Variants in ADAMTS18 observed in about 807,000 individuals in gnomAD.
ADAMTS18 encodes the protein ADAM metallopeptidase with thrombospondin type 1 motif 18.
In ADAMTS18, 157 loss-of-function variants were observed where a neutral mutation model predicts 165.9. The ratio of observed to expected loss-of-function variants is 0.95; its 90% CI spans 0.83 to 1.08. ADAMTS18 has a LOEUF of 1.08. ADAMTS18 is among the 50% of genes least tolerant of loss of function. The pLI is 0.00. For synonymous variants in ADAMTS18, 782 were observed against 578.2 expected (o/e 1.35, Z -5.06); for missense variants, 2,040 against 1,534.0 (o/e 1.33, Z -5.51).
At chr16:77,372,094 A>G (rs1452806441) in intron 3 of ADAMTS18, among the ~76,000 whole-genome samples, 1 of 152,216 alleles carries the variant, frequency 6.6e-6, no homozygotes, top group Non-Finnish European at 1.5e-5. Flanking sequence ...CCCCAATTAG[A>G]ATGACTATTA....
intron 20 of ADAMTS18, among the ~76,000 whole-genome samples, chr16:77,292,531 A>G (rs1264622787): frequency 6.6e-6 from 1 of 152,182 alleles, no homozygotes; most frequent in Non-Finnish European, 1.5e-5. Context: ...TCTTCTGACA[A>G]GGGTTCTTCC....
chr16:77,369,788 A>G (rs1345223221), intron 3 of ADAMTS18, among the ~76,000 whole-genome samples: 2 of 152,220 alleles, frequency 1.3e-5, no homozygotes, highest in Admixed American at 1.3e-4. Context: ...AAGAACAAAA[A>G]GAAATCTACG....
chr16:77,423,537 C>A (rs1485283239), intron 3 of ADAMTS18, among the ~76,000 whole-genome samples: 1 of 152,058 alleles, frequency 6.6e-6, no homozygotes, highest in East Asian at 1.9e-4. Context: ...GAGAGAAGTA[C>A]TATCATTATC....
rs35896240 is a variant in ADAMTS18 at position 77,419,162 on chromosome 16, A to AT, written c.495+12132dup. ...AGACTCCATCTCAGGGGGAAAAAAA[A>AT]TCAATTATTAACTCCCAGTTGTGTA... On this transcript the variant is annotated intron_variant, in intron 3 of 22. Coordinates refer to ENST00000282849, the MANE Select transcript of ADAMTS18 (RefSeq NM_199355.4). Among the ~76,000 whole-genome samples, 846 of 151,562 alleles carry AT rather than the reference A, an allele frequency of 5.6e-3. 7 individuals are homozygous for AT. The highest frequency in any genetic ancestry group is 9.7e-3 in the Non-Finnish European group (658 of 67,766).
At chr16:77,298,098 T>C (rs955944322) in intron 17 of ADAMTS18, among the ~76,000 whole-genome samples, 12 of 151,852 alleles carry the variant, frequency 7.9e-5, no homozygotes, top group Admixed American at 5.9e-4. Flanking sequence ...CTAATTTTTG[T>C]ATTTTTAGTA....
rs1464213970 is a variant in ADAMTS18 at position 77,359,539 on chromosome 16, A to C, written c.1217-116T>G. On this transcript the variant is annotated intron_variant, in intron 7 of 22. Coordinates refer to ENST00000282849, the MANE Select transcript of ADAMTS18 (RefSeq NM_199355.4). Reference sequence around the variant, plus strand: ...TTTAGTTTAATAGATCAATGCATTCAGTGTTTTTGGAAAAAAAAAAAAAAA... The same window carrying C: ...TTTAGTTTAATAGATCAATGCATTCCGTGTTTTTGGAAAAAAAAAAAAAAA... 6 of 710,128 alleles carry C rather than the reference A, an allele frequency of 8.4e-6. No homozygotes were observed. In the African/African-American group the frequency reaches 1.0e-4, roughly 12 times the overall value. 44.0% of individuals were successfully genotyped at this position (710,128 alleles called of 1,614,324 possible). A position where few individuals can be genotyped will look rare whatever the true frequency, so the allele number is the denominator to read the frequency against.
chr16:77,394,544 G>T (rs1189069835), intron 3 of ADAMTS18, among the ~76,000 whole-genome samples: 1 of 152,150 alleles, frequency 6.6e-6, no homozygotes, highest in Non-Finnish European at 1.5e-5. Context: ...GTGTGAAAAG[G>T]AAGTGATCAG....
At chr16:77,339,096 A>C (rs1010740155) in intron 11 of ADAMTS18, among the ~76,000 whole-genome samples, 8 of 152,202 alleles carry the variant, frequency 5.3e-5, no homozygotes, top group African/African-American at 1.9e-4. Context: ...GAAACAAACA[A>C]AACATTGAGT....
intron 3 of ADAMTS18, among the ~76,000 whole-genome samples, chr16:77,388,625 A>C (rs2057142656): frequency 6.6e-6 from 1 of 152,170 alleles, no homozygotes; most frequent in Admixed American, 6.5e-5. Flanking sequence ...TGAGCACTGA[A>C]GGCATAAATA....
chr16:77,290,755 A>G (rs2055346309), intron 21 of ADAMTS18: 1 of 170,040 alleles, frequency 5.9e-6, no homozygotes, highest in South Asian at 1.5e-4. Flanking sequence ...ATAAGTTTAA[A>G]AGCGAAGTAT....
At chr16:77,378,256 T>G (rs973176618) in intron 3 of ADAMTS18, among the ~76,000 whole-genome samples, 8 of 151,594 alleles carry the variant, frequency 5.3e-5, no homozygotes, top group Non-Finnish European at 1.2e-4. Flanking sequence ...ACCTAAGAGG[T>G]TGAGGCTGCA....
chr16:77,350,077 C>A (rs956091189), intron 10 of ADAMTS18, among the ~76,000 whole-genome samples: 2 of 152,114 alleles, frequency 1.3e-5, no homozygotes, highest in African/African-American at 4.8e-5. Context: ...GACCCTCTGA[C>A]AAACAGCATC....
At chr16:77,423,926 T>C (rs2057637212) in intron 3 of ADAMTS18, among the ~76,000 whole-genome samples, 1 of 152,160 alleles carries the variant, frequency 6.6e-6, no homozygotes, top group African/African-American at 2.4e-5. Flanking sequence ...TATGTGTGTG[T>C]TGTGGGTGAC....
chr16:77,369,943 C>T (rs1245316823), intron 3 of ADAMTS18, among the ~76,000 whole-genome samples: 1 of 152,126 alleles, frequency 6.6e-6, no homozygotes, highest in Non-Finnish European at 1.5e-5. Flanking sequence ...CATTAATCAA[C>T]AAACATGATA....
rs77573826 is a variant in ADAMTS18, at chr16:77,352,459, G to A, written c.1614+1274C>T. Reference sequence around the variant, plus strand: ...CCACCATTTAAAAGTTTGTGGCTTTGGGCAAGTTGAAAATATTTTCTGAGC... The same window carrying A: ...CCACCATTTAAAAGTTTGTGGCTTTAGGCAAGTTGAAAATATTTTCTGAGC... On this transcript the variant is annotated intron_variant, in intron 10 of 22. Transcript: ENST00000282849. Among the ~76,000 whole-genome samples the A allele has an allele frequency of 4.9e-3, 740 of 152,272 alleles. 9 individuals are homozygous for A. Among genetic ancestry groups the A allele is most frequent in the African/African-American group, 0.017 (719 of 41,550 alleles).
intron 3 of ADAMTS18, among the ~76,000 whole-genome samples, chr16:77,417,666 C>T (rs1211875028): frequency 6.6e-6 from 1 of 152,212 alleles, no homozygotes; most frequent in Non-Finnish European, 1.5e-5. Flanking sequence ...GTGTAAGTGG[C>T]ATATGTATAC....
At position 77,390,611 on chromosome 16, in the gene ADAMTS18, A is replaced by C. The variant is rs571679115; in HGVS notation, c.496-22888T>G. ...AGGCTGAGGCAGGAGAATTGCCTGA[A>C]CCCGGCAGACGGAGGTTGCAGTGAG... On this transcript the variant is annotated intron_variant, in intron 3 of 22. Coordinates refer to ENST00000282849, the MANE Select transcript of ADAMTS18 (RefSeq NM_199355.4). 2.0e-5 allele frequency among the ~76,000 whole-genome samples: 3 copies of C among 151,922 alleles called. No homozygotes were observed. The East Asian group carries it at 5.8e-4, about 30-fold the overall frequency.
At chr16:77,413,851 C>G (rs1446144461) in intron 3 of ADAMTS18, among the ~76,000 whole-genome samples, 2 of 143,762 alleles carry the variant, frequency 1.4e-5, no homozygotes, top group Non-Finnish European at 3.0e-5. Flanking sequence ...CAAGTTTTAA[C>G]CAAACATAAT....
At position 77,322,345 on chromosome 16, in the gene ADAMTS18, C is replaced by T. The variant is rs768862270; in HGVS notation, c.2154G>A (p.Gly718=). The T allele has an allele frequency of 5.6e-6, 9 of 1,613,832 alleles. No individual in the cohort carries two copies. In the Admixed American group the frequency reaches 8.3e-5, roughly 15 times the overall value. Residue 718 remains glycine, a synonymous_variant, in exon 14 of 23, where the codon GGG becomes GGA. Transcript: ENST00000282849. ...SPNKNDVCID[G]VCELVGCDHE... is the part of the protein sequence containing the mutation. ...AGAAACGTTCTCTTACTTCACAAAC[C>T]CCGTCAATACAAACATCATTTTTGT...
Sources: allele counts gnomAD v4.1 joint callset (sites outside exome capture counted in the v4.1 genomes callset), GRCh38; gene constraint gnomAD v4.1.1; transcripts MANE v1.5; gene names NCBI Gene and HGNC (gene_info 2026-07-23, HGNC 2026-07-21).